PIK3CD: variants seen among roughly 807,000 people sequenced by gnomAD.
PIK3CD encodes phosphatidylinositol-4,5-bisphosphate 3-kinase catalytic subunit delta, also known as phosphatidylinositol 4,5-bisphosphate 3-kinase catalytic subunit delta isoform.
In PIK3CD, 20 loss-of-function variants were observed where a neutral mutation model predicts 122.9. The ratio of observed to expected loss-of-function variants is 0.16; its 90% CI spans 0.11 to 0.24. The LOEUF (loss-of-function observed/expected upper bound fraction) is 0.24. Ranked by LOEUF, PIK3CD falls within the 10% of genes least tolerant of loss-of-function variation. The pLI is 1.00. For missense variants in PIK3CD, 787 were observed against 1,406.3 expected (o/e 0.56, Z 7.04); for synonymous variants, 596 against 593.4 (o/e 1.00, Z -0.06).
Position 9,716,516 on chromosome 1 carries a change from C to T in PIK3CD, c.677C>T (p.Thr226Ile), listed in dbSNP as rs1199039488. Residue 226 changes from threonine to isoleucine, a missense_variant, in exon 6 of 24, where the codon ACA becomes ATA. This residue lies in a region of PIK3CD where 592 missense variants were observed against 920.6 expected (regional missense o/e 0.64). Coordinates refer to ENST00000377346, the MANE Select transcript of PIK3CD (RefSeq NM_005026.5). ...LMACALRKKA[T>I]VFRQPLVEQP... Reference sequence around the variant, plus strand: ...GCCTGTGCCCTGCGGAAGAAGGCCACAGTGTTCCGGCAGCCGCTGGTGGAG... The same window carrying T: ...GCCTGTGCCCTGCGGAAGAAGGCCATAGTGTTCCGGCAGCCGCTGGTGGAG... 1.2e-6 allele frequency: 2 copies of T among 1,610,364 alleles called. No homozygotes were observed. The highest frequency in any genetic ancestry group is 1.3e-5 in the African/African-American group (1 of 74,872).
In PIK3CD at chr1:9,707,203, T is replaced by A. The variant is rs527590308; in HGVS notation, c.-32-3221T>A. ...TTCTCTTGGGCAACACTCAGCACTC[T>A]CCGATGAGCACAAGGGGATGGATTC... On this transcript the variant is annotated intron_variant, in intron 2 of 23. Coordinates refer to ENST00000377346, the MANE Select transcript of PIK3CD (RefSeq NM_005026.5). Among the ~76,000 whole-genome samples the A allele has an allele frequency of 6.6e-5, 10 of 152,108 alleles. No individual in the cohort carries two copies. The South Asian group carries it at 1.7e-3, about 25-fold the overall frequency.
At chr1:9,635,694 G>A in the PIK3CD span, among the ~76,000 whole-genome samples, 17 of 152,238 alleles carry the variant, frequency 1.1e-4, no homozygotes, top group Non-Finnish European at 2.1e-4. Context: ...CCGGAGCTGG[G>A]CATCCATTGC....
chr1:9,697,148 G>A (rs1646450606), intron 2 of PIK3CD, among the ~76,000 whole-genome samples: 2 of 151,868 alleles, frequency 1.3e-5, no homozygotes, highest in East Asian at 1.9e-4. Flanking sequence ...AATGTGGGGG[G>A]ATCACTTGAG....
the PIK3CD span, among the ~76,000 whole-genome samples, chr1:9,638,395 C>T: frequency 3.3e-5 from 5 of 152,162 alleles, no homozygotes; most frequent in East Asian, 1.9e-4. Context: ...GCTTGTCACC[C>T]CTCCCTGCAG....
intron 1 of PIK3CD, among the ~76,000 whole-genome samples, chr1:9,668,587 A>G (rs1302681088): frequency 6.6e-6 from 1 of 152,020 alleles, no homozygotes; most frequent in Non-Finnish European, 1.5e-5. Flanking sequence ...AGCAGTGTAC[A>G]CTGTACCAAA....
the PIK3CD span, among the ~76,000 whole-genome samples, chr1:9,641,558 A>C: frequency 6.6e-6 from 1 of 150,982 alleles, no homozygotes; most frequent in Admixed American, 6.6e-5. Flanking sequence ...ATTTCTGGGG[A>C]GCCCCCATCT....
At chr1:9,697,954 C>T (rs770320998) in intron 2 of PIK3CD, among the ~76,000 whole-genome samples, 1 of 151,922 alleles carries the variant, frequency 6.6e-6, no homozygotes, top group Non-Finnish European at 1.5e-5. Flanking sequence ...TGGCTTGAGC[C>T]TGGGACGTGG....
chr1:9,643,899 C>T, the PIK3CD span, among the ~76,000 whole-genome samples: 2 of 152,152 alleles, frequency 1.3e-5, no homozygotes, highest in Non-Finnish European at 2.9e-5. Context: ...TGGGTAGTTT[C>T]TGCCTCGCCT....
rs548077538 is a variant in PIK3CD at position 9,654,576 on chromosome 1, A to G, written c.-138+2774A>G. On this transcript the variant is annotated intron_variant, in intron 1 of 23. Transcript: ENST00000377346. ...GTCGGTTCCTGCTTCATCTTGTTTT[A>G]CTTAAATTGCACAGTGAAAGGGAGA... The G allele has an allele frequency of 9.3e-4, 382 of 409,598 alleles. 11 individuals carry two copies. The highest frequency in any genetic ancestry group is 7.4e-3 in the South Asian group (373 of 50,714). 25.4% of individuals were successfully genotyped at this position (409,598 alleles called of 1,614,324 possible).
At chr1:9,713,774 T>C (rs948297837) in intron 3 of PIK3CD, among the ~76,000 whole-genome samples, 1 of 151,020 alleles carries the variant, frequency 6.6e-6, no homozygotes, top group African/African-American at 2.4e-5. Context: ...TTTTTATTAT[T>C]ATTATTATTA....
intron 1 of PIK3CD, among the ~76,000 whole-genome samples, chr1:9,675,505 G>A (rs1349401041): frequency 1.3e-5 from 2 of 151,834 alleles, no homozygotes; most frequent in Admixed American, 6.6e-5. Flanking sequence ...GTCTTACCCA[G>A]CCAGAAAGTG....
intron 2 of PIK3CD, among the ~76,000 whole-genome samples, chr1:9,706,531 A>G (rs1351141221): frequency 6.6e-6 from 1 of 152,134 alleles, no homozygotes; most frequent in Non-Finnish European, 1.5e-5. Flanking sequence ...CTGTGAACCT[A>G]CTTTTCACCT....
intron 2 of PIK3CD, among the ~76,000 whole-genome samples, chr1:9,692,502 G>A (rs190959068): frequency 9.0e-4 from 137 of 152,178 alleles, no homozygotes; most frequent in African/African-American, 3.2e-3. Flanking sequence ...CAAGGTGGGC[G>A]AATCACGAGG....
intron 1 of PIK3CD, among the ~76,000 whole-genome samples, chr1:9,668,912 T>C (rs1231369587): frequency 2.0e-5 from 3 of 152,156 alleles, no homozygotes; most frequent in African/African-American, 4.8e-5. Flanking sequence ...TCTCCAGGAC[T>C]CTGAGTCTGC....
chr1:9,710,836 T>A lies in PIK3CD; in HGVS notation c.141+240T>A, dbSNP rs191123716. Among the ~76,000 whole-genome samples the A allele has an allele frequency of 4.8e-3, 734 of 152,276 alleles. 5 individuals are homozygous for A. The highest frequency in any genetic ancestry group is 0.016 in the African/African-American group (663 of 41,556). On this transcript the variant is annotated intron_variant, in intron 3 of 23. Coordinates refer to ENST00000377346, the MANE Select transcript of PIK3CD (RefSeq NM_005026.5). The surrounding 1 kb of genome is among the most constrained non-coding windows in gnomAD (Gnocchi z 4.7). ...GTTTCGCTCTTATTGCCCAGGCTGGTGTGCAATGGCGCAATCTCGGCTCAC... is the reference window on the plus strand; with the variant it reads ...GTTTCGCTCTTATTGCCCAGGCTGGAGTGCAATGGCGCAATCTCGGCTCAC...
Position 9,722,966 on chromosome 1 carries a change from G to C in PIK3CD, c.2427-159G>C, listed in dbSNP as rs1330047446. On this transcript the variant is annotated intron_variant, in intron 19 of 23. Coordinates refer to ENST00000377346, the MANE Select transcript of PIK3CD (RefSeq NM_005026.5). This position sits in a 1 kb window ranked among gnomAD's most constrained non-coding sequence, Gnocchi z 7.6. The stretch of plus-strand genomic sequence containing the variant: ...TTCTGCACCTCAGATGCTGGTGCCG[G>C]CATCTCCAAGGAGCCAGCATCTCTC... Among the ~76,000 whole-genome samples, 1 of 152,178 alleles carries C rather than the reference G, an allele frequency of 6.6e-6. No homozygotes were observed. The highest frequency in any genetic ancestry group is 1.5e-5 in the Non-Finnish European group (1 of 68,030).
chr1:9,667,052 C>T (rs940319321), intron 1 of PIK3CD, among the ~76,000 whole-genome samples: 1 of 152,052 alleles, frequency 6.6e-6, no homozygotes, highest in East Asian at 1.9e-4. Context: ...TTAGTAGATA[C>T]GGGGTTTCAC....
In PIK3CD at chr1:9,659,045, C is replaced by T. The variant is rs184946113; in HGVS notation, c.-138+7243C>T. 8.0e-4 allele frequency among the ~76,000 whole-genome samples: 122 copies of T among 152,292 alleles called. 1 individual carries two copies. The highest frequency in any genetic ancestry group is 6.8e-3 in the Middle Eastern group (2 of 294). The stretch of plus-strand genomic sequence containing the variant: ...TCATCATCCCTCTAGCCCAACACAG[C>T]GGTTGCCCATTTGGGTATCCTTTCC... On this transcript the variant is annotated intron_variant, in intron 1 of 23. Transcript: ENST00000377346.
chr1:9,670,175 TC>T (rs1441851663), intron 1 of PIK3CD, among the ~76,000 whole-genome samples: 1 of 149,294 alleles, frequency 6.7e-6, no homozygotes, highest in South Asian at 2.1e-4. Flanking sequence ...AAAAAAAAGT[TC>T]CTCATATTCA....
Sources: gnomAD v4.1 joint callset for allele counts (sites outside exome capture counted in the v4.1 genomes callset) on GRCh38, gnomAD v4.1.1 for gene constraint, gnomAD v4.1.1 regional missense constraint, Gnocchi (gnomAD v3.1) non-coding constraint, MANE v1.5 for transcripts, NCBI Gene and HGNC (gene_info 2026-07-23, HGNC 2026-07-21) for gene names.